RAD54L2: variants seen among roughly 807,000 people sequenced by gnomAD.
RAD54L2 encodes RAD54 like 2.
A neutral mutation model predicts 138.4 loss-of-function variants in RAD54L2; 27 were observed. That is an observed-to-expected ratio of 0.20 (90% CI 0.14 to 0.27). The LOEUF (loss-of-function observed/expected upper bound fraction) is 0.27. RAD54L2 is among the 10% of genes least tolerant of loss of function. RAD54L2 has a pLI of 1.00. For synonymous variants in RAD54L2, 644 were observed against 723.2 expected (o/e 0.89, Z 1.76); for missense variants, 1,396 against 1,890.2 (o/e 0.74, Z 4.85).
At chr3:51,656,300 G>C (rs982895253) in intron 20 of RAD54L2, 130 bp downstream of exon 20, 15 of 839,746 alleles carry the variant, frequency 1.8e-5, no homozygotes, top group Non-Finnish European at 2.3e-5. Flanking sequence ...GTAAAAAATA[G>C]GGAAGACAAC....
At chr3:51,614,423 C>T (rs925608820) in intron 3 of RAD54L2, among the ~76,000 whole-genome samples, 1 of 152,100 alleles carries the variant, frequency 6.6e-6, no homozygotes, top group African/African-American at 2.4e-5. Context: ...CTCAACCTCC[C>T]AAAGCGCTGG....
At chr3:51,561,972 A>C (rs1341962775) in intron 2 of RAD54L2, among the ~76,000 whole-genome samples, 1 of 151,306 alleles carries the variant, frequency 6.6e-6, no homozygotes, top group Non-Finnish European at 1.5e-5. Flanking sequence ...GGGCCCAAGC[A>C]ATCCCCCCAC....
intron 15 of RAD54L2, among the ~76,000 whole-genome samples, chr3:51,643,537 G>A (rs1701196283): frequency 6.6e-6 from 1 of 152,216 alleles, no homozygotes; most frequent in South Asian, 2.1e-4. Context: ...ACAAGGCTGA[G>A]GCAGAGAGGT....
At chr3:51,577,352 C>CT (rs1435513537) in intron 2 of RAD54L2, among the ~76,000 whole-genome samples, 1 of 152,042 alleles carries the variant, frequency 6.6e-6, no homozygotes, top group Non-Finnish European at 1.5e-5. Context: ...CTGTAGATGT[C>CT]TATTAAGTCT....
chr3:51,545,088 C>T (rs1577378438), intron 2 of RAD54L2, among the ~76,000 whole-genome samples: 1 of 152,318 alleles, frequency 6.6e-6, no homozygotes, highest in East Asian at 1.9e-4. Context: ...CAGTCTAATA[C>T]TGTACTAATT....
chr3:51,660,051 A>C lies in RAD54L2; in HGVS notation c.3342A>C (p.Gly1114=), dbSNP rs778883121. ...TKGTYIRTSD[G]RIFAVRATGK... ...GGACGTACATCCGTACCAGTGATGG[A>C]CGGATCTTTGCTGTCCGGGCAACTG... The change falls in exon 22 of 23, where the codon GGA becomes GGC. Residue 1114 remains glycine, a synonymous_variant. Transcript: ENST00000684192. The C allele has an allele frequency of 6.3e-7, 1 of 1,596,772 alleles. No individual in the cohort carries two copies.
chr3:51,544,892 C>T (rs1169962268), intron 2 of RAD54L2, among the ~76,000 whole-genome samples: 8 of 152,216 alleles, frequency 5.3e-5, no homozygotes, highest in African/African-American at 1.4e-4. Flanking sequence ...TGAACCACTG[C>T]GCCTGGCCTG....
intron 2 of RAD54L2, among the ~76,000 whole-genome samples, chr3:51,542,930 T>C (rs1386162171): frequency 6.6e-6 from 1 of 152,158 alleles, no homozygotes; most frequent in Non-Finnish European, 1.5e-5. Flanking sequence ...GATAGAACAC[T>C]AAAGTATACC....
At chr3:51,612,911 GATTT>G (rs1414139997) in intron 3 of RAD54L2, among the ~76,000 whole-genome samples, 1 of 152,060 alleles carries the variant, frequency 6.6e-6, no homozygotes, top group Non-Finnish European at 1.5e-5. Context: ...CTGTCTGTAA[GATTT>G]TAGTAGAAAA....
intron 14 of RAD54L2, among the ~76,000 whole-genome samples, chr3:51,640,346 A>C (rs968623347): frequency 8.5e-5 from 13 of 152,224 alleles, no homozygotes; most frequent in Non-Finnish European, 1.3e-4. Context: ...ACTATTTGCT[A>C]TCTGTCCTTT....
chr3:51,645,458 A>G lies in RAD54L2; in HGVS notation c.2657-133A>G. 1 of 1,039,714 alleles carries G rather than the reference A, an allele frequency of 9.6e-7. No individual in the cohort carries two copies. Among genetic ancestry groups the G allele is most frequent in the Non-Finnish European group, 1.4e-6 (1 of 724,922 alleles). The allele number at this position is 1,039,714 out of a possible 1,614,324, so 64.4% of individuals were successfully genotyped here. ...CTCGTTATACAAGTTTTCCCCTTATATGATGTTTCCAGTGTCACCAGCACC... is the reference window on the plus strand; with the variant it reads ...CTCGTTATACAAGTTTTCCCCTTATGTGATGTTTCCAGTGTCACCAGCACC... On this transcript the variant is annotated intron_variant, in intron 17 of 22. Coordinates refer to ENST00000684192, the MANE Select transcript of RAD54L2 (RefSeq NM_015106.4). This position sits in a 1 kb window ranked among gnomAD's most constrained non-coding sequence, Gnocchi z 6.1.
chr3:51,595,839 G>A (rs1014985892), intron 3 of RAD54L2, among the ~76,000 whole-genome samples: 1 of 151,658 alleles, frequency 6.6e-6, no homozygotes, highest in African/African-American at 2.4e-5. Flanking sequence ...ACACGTTTAG[G>A]GTCTGTTGTT....
chr3:51,566,496 T>TA (rs1699222870), intron 2 of RAD54L2, among the ~76,000 whole-genome samples: 4 of 143,208 alleles, frequency 2.8e-5, no homozygotes, highest in South Asian at 2.3e-4. Context: ...TTTTTTTTTT[T>TA]AATGACAGAG....
intron 22 of RAD54L2, among the ~76,000 whole-genome samples, chr3:51,661,873 A>G (rs1409692329): frequency 6.6e-6 from 1 of 152,212 alleles, no homozygotes; most frequent in African/African-American, 2.4e-5. Context: ...AAGTACTTCA[A>G]CATGCATCTG....
intron 2 of RAD54L2, among the ~76,000 whole-genome samples, chr3:51,576,295 G>C (rs1338806554): frequency 6.6e-6 from 1 of 152,132 alleles, no homozygotes; most frequent in Non-Finnish European, 1.5e-5. Context: ...CAGGGATATT[G>C]GTCTAAAATT....
chr3:51,554,856 T>C (rs1028878498), intron 2 of RAD54L2, among the ~76,000 whole-genome samples: 4 of 152,154 alleles, frequency 2.6e-5, no homozygotes, highest in Admixed American at 6.6e-5. Context: ...CTTTTCTTTT[T>C]TTTTGAGACA....
Position 51,630,844 on chromosome 3 carries a change from G to T in RAD54L2, c.738G>T (p.Gly246=). 1 of 1,614,070 alleles carries T rather than the reference G, an allele frequency of 6.2e-7. No individual in the cohort carries two copies. Among genetic ancestry groups the T allele is most frequent in the Non-Finnish European group, 8.5e-7 (1 of 1,179,900 alleles). Residue 246 remains glycine (G), a synonymous_variant, in exon 7 of 23, where the codon GGG becomes GGT. Coordinates refer to ENST00000684192, the MANE Select transcript of RAD54L2 (RefSeq NM_015106.4). ...TCTTAAACCAGCGTGACGCCCTTGG[G>T]CGGGTCCTTGTCAACCTAAACCACC... The part of the protein sequence containing the change: ...NDVLNQRDAL[G]RVLVNLNHPP...
chr3:51,549,049 A>G (rs1040602133), intron 2 of RAD54L2, among the ~76,000 whole-genome samples: 11 of 151,882 alleles, frequency 7.2e-5, no homozygotes, highest in Admixed American at 5.3e-4. Flanking sequence ...CTGGAGTGCA[A>G]TGGTGCGATC....
chr3:51,591,746 C>T (rs1293869153), intron 3 of RAD54L2, among the ~76,000 whole-genome samples: 1 of 152,074 alleles, frequency 6.6e-6, no homozygotes, highest in Non-Finnish European at 1.5e-5. Context: ...TGTTAGAGTC[C>T]CTAGGTGTCA....
Sources: allele counts gnomAD v4.1 joint callset (sites outside exome capture counted in the v4.1 genomes callset), GRCh38; gene constraint gnomAD v4.1.1; non-coding constraint Gnocchi (gnomAD v3.1); transcripts MANE v1.5; gene names NCBI Gene and HGNC (gene_info 2026-07-23, HGNC 2026-07-21).